VWF: variants seen among roughly 807,000 people sequenced by gnomAD.
The protein encoded by VWF is von Willebrand factor.
Under a neutral mutation model 308.6 loss-of-function variants are expected in VWF, and 176 were observed. That is an observed-to-expected ratio of 0.57 (90% CI 0.50 to 0.65). VWF has a LOEUF of 0.65. VWF is among the 30% of genes least tolerant of loss of function. VWF has a pLI of 0.00. For synonymous variants in VWF, 1,385 were observed against 1,443.4 expected, an observed-to-expected ratio of 0.96 and a Z score of 0.92; for missense variants, 3,146 against 3,648.2, an observed-to-expected ratio of 0.86 and a Z score of 3.55.
At chr12:6,117,453 C>T (rs1261744784) in intron 3 of VWF, among the ~76,000 whole-genome samples, 1 of 152,214 alleles carries the variant, frequency 6.6e-6, no homozygotes, top group African/African-American at 2.4e-5. Context: ...CATGGCGATT[C>T]CAAGTGAACA....
At position 6,057,909 on chromosome 12, in the gene VWF, C is replaced by T. The variant is rs916726587; in HGVS notation, c.1669G>A (p.Gly557Arg). 5 of 1,613,280 alleles carry T rather than the reference C, an allele frequency of 3.1e-6. No homozygotes were observed. The highest frequency in any genetic ancestry group is 4.2e-6 in the Non-Finnish European group (5 of 1,179,718). The change falls in exon 14 of 52, where the codon GGG (glycine) becomes AGG (arginine). Residue 557 changes from glycine (G) to arginine (R), a missense_variant. This residue lies in a region of VWF where 1,304 missense variants were observed against 1,353.0 expected (regional missense o/e 0.96). Transcript: ENST00000261405. ...TGCTTCTGCAGGTCCTGGCAGTCCCCGTGCAGCTTCCAGGCGTTCCCGAAG... is the reference window on the plus strand; with the variant it reads ...TGCTTCTGCAGGTCCTGGCAGTCCCTGTGCAGCTTCCAGGCGTTCCCGAAG... The part of the protein sequence containing the change: ...EDFGNAWKLH[G>R]DCQDLQKQHS...
rs368010532 is a variant in VWF at position 5,971,629 on chromosome 12, C to T, written c.7518G>A (p.Pro2506=). The change falls in exon 44 of 52, where the codon CCG becomes CCA. Residue 2506 remains proline, a synonymous_variant. Coordinates refer to ENST00000261405, the MANE Select transcript of VWF (RefSeq NM_000552.5). ...TCCAGGAAGACTGGGAGTCCCCCCG[C>T]GGTGAGCCAGTCACCACCTCACAGG... ...PSACEVVTGS[P]RGDSQSSWKS... is the part of the protein sequence containing the mutation. 40 of 1,614,038 alleles carry T rather than the reference C, an allele frequency of 2.5e-5. No homozygotes were observed. The highest frequency in any genetic ancestry group is 1.2e-4 in the Admixed American group (7 of 60,014).
At chr12:5,964,250 GCATACATACATACATA>G (rs202210763) in intron 47 of VWF, among the ~76,000 whole-genome samples, 2 of 122,350 alleles carry the variant, frequency 1.6e-5, no homozygotes, top group Non-Finnish European at 3.5e-5. Context: ...ATACATACAT[GCATACATACATACATA>G]CATACATGCA....
chr12:5,960,159 T>A (rs1232327031), intron 47 of VWF, among the ~76,000 whole-genome samples: 1 of 150,662 alleles, frequency 6.6e-6, no homozygotes, highest in Admixed American at 6.6e-5. Context: ...AAACAAATTA[T>A]CAATATTAGA....
Position 6,025,965 on chromosome 12 carries a change from C to G in VWF, c.3049G>C (p.Asp1017His). The change falls in exon 23 of 52, where the codon GAC (aspartate) becomes CAC (histidine). Residue 1017 changes from aspartate (D) to histidine (H), a missense_variant. Physicochemically the swap from Asp to His is moderately conservative, Grantham distance 81. This residue lies in a region of VWF where 1,304 missense variants were observed against 1,353.0 expected (regional missense o/e 0.96). Coordinates refer to ENST00000261405, the MANE Select transcript of VWF (RefSeq NM_000552.5). The part of the protein sequence containing the change: ...LTSSNLQVEE[D>H]PVDFGNSWKV... ...CAGGAGTTCCCAAAGTCCACAGGGT[C>G]TTCCTCCACTTGGAGGTTGCTGCTG... 6.2e-7 allele frequency: 1 copy of G among 1,614,016 alleles called. No homozygotes were observed. Among genetic ancestry groups the G allele is most frequent in the Non-Finnish European group, 8.5e-7 (1 of 1,179,876 alleles).
intron 42 of VWF, among the ~76,000 whole-genome samples, chr12:5,979,989 CG>C (rs1565816981): frequency 6.9e-6 from 1 of 145,070 alleles, no homozygotes; most frequent in East Asian, 2.0e-4. Flanking sequence ...TGCAGTGAGC[CG>C]AGACTGCGCC....
Position 6,023,728 on chromosome 12 carries a change from A to C in VWF, c.3282T>G (p.Ile1094Met). 2 of 1,613,838 alleles carry C rather than the reference A, an allele frequency of 1.2e-6. No homozygotes were observed. The highest frequency in any genetic ancestry group is 1.7e-6 in the Non-Finnish European group (2 of 1,180,012). The change falls in exon 25 of 52, where the codon ATT (isoleucine) becomes ATG (methionine). Residue 1094 changes from isoleucine (I) to methionine (M), a missense_variant. By Grantham distance (10) the Ile-to-Met change is conservative. Transcript: ENST00000261405. ...TGTCGCAGAAGCAGGCGCAGTCCCCAATGGACTCACAGGAGCAGGTGTCGT... is the reference window on the plus strand; with the variant it reads ...TGTCGCAGAAGCAGGCGCAGTCCCCCATGGACTCACAGGAGCAGGTGTCGT... ...CIYDTCSCES[I>M]GDCACFCDTI... is the part of the protein sequence containing the mutation.
At chr12:6,064,835 A>C (rs1420260155) in intron 11 of VWF, among the ~76,000 whole-genome samples, 1 of 152,062 alleles carries the variant, frequency 6.6e-6, no homozygotes, top group Non-Finnish European at 1.5e-5. Context: ...AGCTCCAAAC[A>C]TCAGAGGGTT....
At chr12:5,951,312 G>T (rs1292401599) in intron 50 of VWF, among the ~76,000 whole-genome samples, 1 of 152,192 alleles carries the variant, frequency 6.6e-6, no homozygotes. Context: ...GTGAAGAAGA[G>T]GGGGTGATAA....
At chr12:6,062,041 TATTATA>T (rs1375154265) in intron 13 of VWF, among the ~76,000 whole-genome samples, 3 of 152,236 alleles carry the variant, frequency 2.0e-5, no homozygotes, top group Non-Finnish European at 4.4e-5. Context: ...GTGGGTTTAT[TATTATA>T]ATTTTTGAAT....
At chr12:5,970,157 C>G (rs1490872114) in intron 44 of VWF, among the ~76,000 whole-genome samples, 1 of 152,126 alleles carries the variant, frequency 6.6e-6, no homozygotes, top group Non-Finnish European at 1.5e-5. Flanking sequence ...CCAAATCTTC[C>G]CACTGCAGGC....
chr12:6,015,299 A>G (rs1944043204), intron 31 of VWF, among the ~76,000 whole-genome samples: 1 of 152,252 alleles, frequency 6.6e-6, no homozygotes, highest in East Asian at 1.9e-4. Context: ...CAAATACAAT[A>G]CAATACAATA....
rs887420168 is a variant in VWF at position 5,983,181 on chromosome 12, G to A, written c.7050C>T (p.Asn2350=). 6.2e-7 allele frequency: 1 copy of A among 1,614,118 alleles called. No homozygotes were observed. The highest frequency in any genetic ancestry group is 8.5e-7 in the Non-Finnish European group (1 of 1,180,010). The change falls in exon 41 of 52, where the codon AAC becomes AAT. Residue 2350 remains asparagine (N), a synonymous_variant. Coordinates refer to ENST00000261405, the MANE Select transcript of VWF (RefSeq NM_000552.5). ...CERGLQPTLT[N]PGECRPNFTC... ...TGAAGTTGGGTCTGCACTCGCCAGG[G>A]TTGGTCAGTGTGGGCTGGAGGCCAC...
In VWF at chr12:6,031,463, A is replaced by G. The variant is rs142563352; in HGVS notation, c.2801T>C (p.Ile934Thr). 1.4e-5 allele frequency: 22 copies of G among 1,613,966 alleles called. No homozygotes were observed. The highest frequency in any genetic ancestry group is 5.0e-5 in the Admixed American group (3 of 59,990). Residue 934 changes from isoleucine (I) to threonine (T), a missense_variant, in exon 21 of 52, where the codon ATT (isoleucine) becomes ACT (threonine). Physicochemically the swap from Ile to Thr is moderately conservative, Grantham distance 89. Transcript: ENST00000261405. ...ACTTACCTCCCCGTCAAACAGCTCA[A>G]TCTCTCCTCCCTCCACCAGGATGGT... Reference protein sequence around the residue: ...RVTILVEGGEIELFDGEVNVK... With the variant: ...RVTILVEGGETELFDGEVNVK...
chr12:5,971,085 G>C (rs1356700065), intron 44 of VWF, among the ~76,000 whole-genome samples: 1 of 152,208 alleles, frequency 6.6e-6, no homozygotes, highest in Non-Finnish European at 1.5e-5. Context: ...TGGGGCAATG[G>C]GGGGCTGGCA....
intron 6 of VWF, among the ~76,000 whole-genome samples, chr12:6,089,329 C>T (rs1407408617): frequency 1.3e-5 from 2 of 152,198 alleles, no homozygotes; most frequent in African/African-American, 4.8e-5. Context: ...CAACCTGAAA[C>T]CGGGAGTTCT....
In VWF at chr12:6,018,810, G is replaced by A. The variant is rs544376688; in HGVS notation, c.4608C>T (p.His1536=). The A allele has an allele frequency of 1.4e-4, 228 of 1,613,898 alleles. 1 individual carries two copies. The South Asian group carries it at 1.9e-3, about 14-fold the overall frequency. Residue 1536 remains histidine, a synonymous_variant, in exon 28 of 52, where the codon CAC becomes CAT. Transcript: ENST00000261405. ...TGTAGGAGTACTGCAGCACCGTGAC[G>A]TGGATGCTGTCCTGGCCCACATCCA... The part of the protein sequence containing the change: ...QRMDVGQDSI[H]VTVLQYSYMV...
Position 6,075,432 on chromosome 12 carries a change from C to T in VWF, c.777G>A (p.Gly259=). 6.2e-7 allele frequency: 1 copy of T among 1,614,176 alleles called. No individual in the cohort carries two copies. The highest frequency in any genetic ancestry group is 1.3e-5 in the African/African-American group (1 of 75,038). Residue 259 remains glycine, a synonymous_variant, in exon 7 of 52, where the codon GGG becomes GGA. Coordinates refer to ENST00000261405, the MANE Select transcript of VWF (RefSeq NM_000552.5). The surrounding 1 kb of genome is among the most constrained non-coding windows in gnomAD (Gnocchi z 4.7). ...GGGCAGGGCAGGCGCACTCCAGCCC[C>T]CCAGCACACTCACACAAAGTCTTCT... is the stretch of plus-strand genomic sequence containing the variant. ...LCEKTLCECA[G]GLECACPALL...
intron 3 of VWF, among the ~76,000 whole-genome samples, chr12:6,120,623 C>T (rs1387505979): frequency 6.6e-6 from 1 of 152,108 alleles, no homozygotes; most frequent in Non-Finnish European, 1.5e-5. Flanking sequence ...CTTTTATTGT[C>T]TGTCAGGCCT....
Sources: gnomAD v4.1 joint callset for allele counts (sites outside exome capture counted in the v4.1 genomes callset) on GRCh38, gnomAD v4.1.1 for gene constraint, gnomAD v4.1.1 regional missense constraint, Gnocchi (gnomAD v3.1) non-coding constraint, MANE v1.5 for transcripts, NCBI Gene and HGNC (gene_info 2026-07-23, HGNC 2026-07-21) for gene names.